Variants in KAZN observed in about 807,000 individuals in gnomAD.
KAZN encodes kazrin, periplakin interacting protein, also known as kazrin.
KAZN carries 40 observed loss-of-function variants against 87.4 expected under a neutral mutation model. The ratio of observed to expected loss-of-function variants is 0.46; its 90% CI spans 0.36 to 0.60. The LOEUF (loss-of-function observed/expected upper bound fraction) is 0.60, where lower values mean the gene tolerates loss of function less well. KAZN is among the 20% of genes least tolerant of loss of function. The pLI is 0.00. For missense variants in KAZN, 898 were observed against 1,073.9 expected (o/e 0.84, Z 2.29); for synonymous variants, 466 against 458.3 (o/e 1.02, Z -0.22).
chr1:13,936,977 T>C (rs1570329584), intron 1 of KAZN, among the ~76,000 whole-genome samples: 2 of 152,312 alleles, frequency 1.3e-5, no homozygotes, highest in South Asian at 2.1e-4. Context: ...TTTTTATGTA[T>C]GTTTTTTGGC....
intron 1 of KAZN, among the ~76,000 whole-genome samples, chr1:14,798,901 C>T (rs1330417818): frequency 6.6e-6 from 1 of 152,176 alleles, no homozygotes; most frequent in Non-Finnish European, 1.5e-5. Context: ...GCTGGGACTA[C>T]AGGCAAGTGC....
chr1:14,723,260 C>A (rs1014851854), intron 1 of KAZN, among the ~76,000 whole-genome samples: 1 of 152,196 alleles, frequency 6.6e-6, no homozygotes, highest in African/African-American at 2.4e-5. Flanking sequence ...AGACCTTCTA[C>A]CTGCTGTCTG....
chr1:14,505,277 G>A (rs1670510445), intron 2 of KAZN, among the ~76,000 whole-genome samples: 1 of 152,168 alleles, frequency 6.6e-6, no homozygotes, highest in Non-Finnish European at 1.5e-5. Flanking sequence ...CCAGGAGGGT[G>A]GGTCTGAACA....
intron 2 of KAZN, among the ~76,000 whole-genome samples, chr1:14,446,486 C>T (rs1470282469): frequency 6.6e-6 from 1 of 152,116 alleles, no homozygotes; most frequent in African/African-American, 2.4e-5. Context: ...TAACTATAGT[C>T]TCAATCTATG....
chr1:14,411,266 G>A (rs1434350900), intron 2 of KAZN, among the ~76,000 whole-genome samples: 1 of 152,164 alleles, frequency 6.6e-6, no homozygotes, highest in Non-Finnish European at 1.5e-5. Context: ...TCAAGAGTGA[G>A]GATAAAATGA....
chr1:15,079,086 G>A (rs1374889506), intron 8 of KAZN, among the ~76,000 whole-genome samples: 1 of 152,170 alleles, frequency 6.6e-6, no homozygotes, highest in Non-Finnish European at 1.5e-5. Context: ...ATAGAAGACA[G>A]CACCTCCAAT....
At chr1:14,537,204 T>A (rs1295003174) in intron 2 of KAZN, among the ~76,000 whole-genome samples, 2 of 152,146 alleles carry the variant, frequency 1.3e-5, no homozygotes, top group African/African-American at 4.8e-5. Context: ...TCAAGATGTT[T>A]CCAATTCTCT....
chr1:13,961,887 A>G (rs1450583761), intron 1 of KAZN, among the ~76,000 whole-genome samples: 1 of 152,206 alleles, frequency 6.6e-6, no homozygotes, highest in Non-Finnish European at 1.5e-5. Flanking sequence ...ATTGATTGGC[A>G]GTCCATCCCT....
At chr1:14,711,566 G>A (rs1642488642) in intron 1 of KAZN, among the ~76,000 whole-genome samples, 1 of 152,138 alleles carries the variant, frequency 6.6e-6, no homozygotes, top group African/African-American at 2.4e-5. Context: ...TCCAAGATTA[G>A]GTTATGAAGG....
chr1:15,053,496 A>G (rs1043418969), intron 4 of KAZN, among the ~76,000 whole-genome samples: 2 of 152,212 alleles, frequency 1.3e-5, no homozygotes, highest in Non-Finnish European at 2.9e-5. Context: ...TTCTTACAGC[A>G]TGCATCCTGG....
intron 1 of KAZN, among the ~76,000 whole-genome samples, chr1:14,072,867 C>T (rs1570670935): frequency 1.3e-5 from 2 of 152,180 alleles, no homozygotes; most frequent in East Asian, 3.8e-4. Context: ...ACTTTCTCCT[C>T]ACCTACTAAT....
At chr1:14,677,740 G>A (rs1182511803) in intron 1 of KAZN, among the ~76,000 whole-genome samples, 1 of 152,208 alleles carries the variant, frequency 6.6e-6, no homozygotes, top group Non-Finnish European at 1.5e-5. Context: ...TGTGAAGAGA[G>A]ACCGAGGATG....
intron 2 of KAZN, among the ~76,000 whole-genome samples, chr1:14,422,729 T>C (rs1173950275): frequency 6.6e-6 from 1 of 152,204 alleles, no homozygotes; most frequent in Non-Finnish European, 1.5e-5. Context: ...AACTTCTCTT[T>C]TGTGGTCCAG....
chr1:14,968,226 C>T (rs1050019071), intron 2 of KAZN, among the ~76,000 whole-genome samples: 8 of 151,904 alleles, frequency 5.3e-5, no homozygotes, highest in South Asian at 2.1e-4. Flanking sequence ...ATAAGGAGCA[C>T]GCAACCTGGA....
intron 2 of KAZN, among the ~76,000 whole-genome samples, chr1:14,262,869 G>C (rs991178557): frequency 9.2e-5 from 14 of 152,208 alleles, no homozygotes; most frequent in Admixed American, 7.9e-4. Context: ...GCTGTTGAGA[G>C]AGGGGTGTTT....
intron 2 of KAZN, among the ~76,000 whole-genome samples, chr1:14,585,575 C>T (rs521831): frequency 0.062 from 9,387 of 152,208 alleles, 965 homozygotes; most frequent in African/African-American, 0.21. Flanking sequence ...TTGCTGCAAG[C>T]CCACTAGCAA....
chr1:14,277,356 A>T (rs570508658), intron 2 of KAZN, among the ~76,000 whole-genome samples: 11 of 152,288 alleles, frequency 7.2e-5, no homozygotes, highest in African/African-American at 2.4e-4. Flanking sequence ...TTATTTTTAA[A>T]CCTATACGAG....
rs1389520866 is a variant in KAZN, at chr1:14,602,366, T to C, written c.226+3143T>C. On this transcript the variant is annotated intron_variant, in intron 1 of 14. Coordinates refer to ENST00000376030, the MANE Select transcript of KAZN (RefSeq NM_201628.3). ...TGAGTTGGATAATCCTTAATGAGAATGCTGGCGTACAGTGCAGAGGGCGTC... is the reference window on the plus strand; with the variant it reads ...TGAGTTGGATAATCCTTAATGAGAACGCTGGCGTACAGTGCAGAGGGCGTC... 4.6e-5 allele frequency among the ~76,000 whole-genome samples: 7 copies of C among 152,336 alleles called. No individual in the cohort carries two copies. In the East Asian group the frequency reaches 1.4e-3, roughly 29 times the overall value.
chr1:14,353,894 A>T (rs1187114370), intron 2 of KAZN, among the ~76,000 whole-genome samples: 1 of 152,228 alleles, frequency 6.6e-6, no homozygotes, highest in Non-Finnish European at 1.5e-5. Flanking sequence ...TCAAAATCAT[A>T]GCTGGCTCTT....
Sources: allele counts gnomAD v4.1 joint callset (sites outside exome capture counted in the v4.1 genomes callset), GRCh38; gene constraint gnomAD v4.1.1; transcripts MANE v1.5; gene names NCBI Gene and HGNC (gene_info 2026-07-23, HGNC 2026-07-21).